SNX29: variants seen among roughly 807,000 people sequenced by gnomAD.
SNX29 encodes the protein sorting nexin 29, also known as sorting nexin-29.
SNX29 carries 78 observed loss-of-function variants against 102.1 expected under a neutral mutation model. The observed-to-expected ratio is 0.76, with a 90% CI of 0.64 to 0.92. The LOEUF is 0.92. Ranked by LOEUF, SNX29 falls within the 40% of genes least tolerant of loss-of-function variation. SNX29 has a pLI of 0.00. For missense variants in SNX29, 1,280 were observed against 1,061.7 expected, an observed-to-expected ratio of 1.21 and a Z score of -2.86; for synonymous variants, 580 against 414.5, an observed-to-expected ratio of 1.40 and a Z score of -4.85.
chr16:12,461,063 A>G (rs1291268447), intron 18 of SNX29, among the ~76,000 whole-genome samples: 1 of 152,260 alleles, frequency 6.6e-6, no homozygotes, highest in Non-Finnish European at 1.5e-5. Context: ...GTTAGATGCG[A>G]TAATTGCCCA....
chr16:12,493,692 A>G (rs1003943805), intron 19 of SNX29, among the ~76,000 whole-genome samples: 1 of 152,090 alleles, frequency 6.6e-6, no homozygotes, highest in African/African-American at 2.4e-5. Context: ...CCTGGGTTCA[A>G]ATGATTGTCC....
intron 17 of SNX29, among the ~76,000 whole-genome samples, chr16:12,398,797 C>A (rs1190062113): frequency 6.6e-6 from 1 of 151,962 alleles, no homozygotes; most frequent in Non-Finnish European, 1.5e-5. Context: ...AAATGAGACG[C>A]TTGTCCCTGT....
At chr16:12,265,524 T>G (rs1358221488) in intron 14 of SNX29, among the ~76,000 whole-genome samples, 1 of 152,038 alleles carries the variant, frequency 6.6e-6, no homozygotes, top group Non-Finnish European at 1.5e-5. Flanking sequence ...GTTCTGATTT[T>G]AAAAAGAGGG....
intron 19 of SNX29, among the ~76,000 whole-genome samples, chr16:12,519,390 C>G (rs562181143): frequency 3.9e-5 from 6 of 152,116 alleles, no homozygotes; most frequent in Non-Finnish European, 8.8e-5. Context: ...TTTTAAAATT[C>G]CAGAAGCAGC....
intron 20 of SNX29, chr16:12,526,885 G>A (rs995266761): frequency 2.5e-6 from 1 of 395,506 alleles, no homozygotes; most frequent in African/African-American, 2.0e-5. Context: ...CTGTCGGTGT[G>A]ACATGAATCT....
chr16:12,559,397 C>G (rs1185298377), intron 20 of SNX29, among the ~76,000 whole-genome samples: 2 of 151,260 alleles, frequency 1.3e-5, no homozygotes, highest in East Asian at 1.9e-4. Flanking sequence ...CCCATCGCCC[C>G]CTGAAGGGAC....
At position 12,126,673 on chromosome 16, in the gene SNX29, G is replaced by C. The variant is rs1397420898; in HGVS notation, c.1443G>C (p.Lys481Asn). Residue 481 changes from lysine to asparagine, a missense_variant, in exon 12 of 21, where the codon AAG (lysine) becomes AAC (asparagine). By Grantham distance (94) the Lys-to-Asn change is moderately conservative. Coordinates refer to ENST00000566228, the MANE Select transcript of SNX29 (RefSeq NM_032167.5). ...RQATVAMMNR[K>N]DELEEENRSL... ...CCACTGTGGCCATGATGAACAGGAA[G>C]GATGAGCTGGAGGAGGAGAACAGGT... 6.2e-7 allele frequency: 1 copy of C among 1,614,014 alleles called. No individual in the cohort carries two copies. The highest frequency in any genetic ancestry group is 8.5e-7 in the Non-Finnish European group (1 of 1,179,890).
chr16:12,403,644 C>G (rs983565103), intron 18 of SNX29, 115 bp downstream of exon 18: 1 of 974,676 alleles, frequency 1.0e-6, no homozygotes, highest in South Asian at 1.4e-5. Flanking sequence ...AGGCTATGGC[C>G]TTCCAGACAC....
At chr16:12,517,264 C>G (rs1422717800) in intron 19 of SNX29, among the ~76,000 whole-genome samples, 1 of 152,152 alleles carries the variant, frequency 6.6e-6, no homozygotes, top group Non-Finnish European at 1.5e-5. Flanking sequence ...CCCTAGGAGC[C>G]CAACCAGAAA....
At chr16:12,480,896 A>C (rs886319844) in intron 19 of SNX29, among the ~76,000 whole-genome samples, 60 of 152,024 alleles carry the variant, frequency 3.9e-4, no homozygotes, top group African/African-American at 1.3e-3. Flanking sequence ...GGTTTTTTGG[A>C]GGCAAAGTCT....
intron 3 of SNX29, among the ~76,000 whole-genome samples, chr16:12,013,542 T>TATATATATAGAGAGAGAGAGAG (rs1382498593): frequency 2.8e-5 from 3 of 109,074 alleles, no homozygotes; most frequent in African/African-American, 1.0e-4. Context: ...TATATATATA[T>TATATATATAGAGAGAGAGAGAG]CGAGAGAGGA....
At chr16:12,250,253 G>C (rs2078382020) in intron 14 of SNX29, among the ~76,000 whole-genome samples, 1 of 152,230 alleles carries the variant, frequency 6.6e-6, no homozygotes, top group African/African-American at 2.4e-5. Context: ...ACACACAGAA[G>C]GTAGCAGAGC....
At chr16:12,291,882 G>A (rs1567404798) in intron 15 of SNX29, among the ~76,000 whole-genome samples, 1 of 152,234 alleles carries the variant, frequency 6.6e-6, no homozygotes, top group East Asian at 1.9e-4. Context: ...GGATGAGTGA[G>A]TGAAGAGTGA....
At chr16:12,459,406 C>T (rs537108227) in intron 18 of SNX29, among the ~76,000 whole-genome samples, 2 of 152,212 alleles carry the variant, frequency 1.3e-5, no homozygotes, top group South Asian at 4.2e-4. Flanking sequence ...GCCTTGATCT[C>T]ATGCCTACTC....
chr16:12,367,767 G>T (rs949387655), intron 16 of SNX29, among the ~76,000 whole-genome samples: 3 of 152,198 alleles, frequency 2.0e-5, no homozygotes, highest in Non-Finnish European at 4.4e-5. Flanking sequence ...AATTATAAGA[G>T]GCTTTTTAAC....
At chr16:12,050,809 T>G (rs966264151) in intron 7 of SNX29, among the ~76,000 whole-genome samples, 3 of 152,232 alleles carry the variant, frequency 2.0e-5, no homozygotes, top group Non-Finnish European at 2.9e-5. Flanking sequence ...CCTCCCGTGT[T>G]CAAGAAATTC....
intron 15 of SNX29, among the ~76,000 whole-genome samples, chr16:12,292,268 C>A (rs530747849): frequency 6.6e-6 from 1 of 152,260 alleles, no homozygotes; most frequent in South Asian, 2.1e-4. Context: ...AGGCAAGACG[C>A]CTCCATAGTT....
At position 12,570,866 on chromosome 16, in the gene SNX29, C is replaced by T. The variant is rs762326250; in HGVS notation, c.*2237C>T. The T allele has an allele frequency of 2.6e-5, 6 of 231,924 alleles. No homozygotes were observed. The South Asian group carries it at 7.2e-4, about 28-fold the overall frequency. The allele number at this position is 231,924 out of a possible 1,614,324, so 14.4% of individuals were successfully genotyped here. A position where few individuals can be genotyped will look rare whatever the true frequency, so the allele number is the denominator to read the frequency against. ...ATTGAACTGGTGGGAGAAACTGCCT[C>T]CTACTTTTATAATACTGAATTATTC... On this transcript the variant is annotated 3_prime_UTR_variant, in exon 21 of 21. Coordinates refer to ENST00000566228, the MANE Select transcript of SNX29 (RefSeq NM_032167.5).
intron 13 of SNX29, among the ~76,000 whole-genome samples, chr16:12,156,784 G>A: frequency 6.6e-6 from 1 of 152,242 alleles, no homozygotes; most frequent in Non-Finnish European, 1.5e-5. Flanking sequence ...TCCAACGTCA[G>A]GAGAATGGGA....
Sources: gnomAD v4.1 joint callset for allele counts (sites outside exome capture counted in the v4.1 genomes callset) on GRCh38, gnomAD v4.1.1 for gene constraint, MANE v1.5 for transcripts, NCBI Gene and HGNC (gene_info 2026-07-23, HGNC 2026-07-21) for gene names.